HLTF: variants seen among roughly 807,000 people sequenced by gnomAD.
HLTF encodes helicase like transcription factor, also known as DNA-dependent ATPase/E3 ubiquitin-protein ligase HLTF.
In HLTF, 127 loss-of-function variants were observed where a neutral mutation model predicts 129.4. The ratio of observed to expected loss-of-function variants is 0.98; its 90% CI spans 0.85 to 1.14. HLTF has a LOEUF of 1.14. Ranked by LOEUF, HLTF falls within the 50% of genes most tolerant of loss-of-function variation. The pLI, the probability that HLTF is intolerant of heterozygous loss-of-function variation, is 0.00. For synonymous variants in HLTF, 332 were observed against 388.8 expected (o/e 0.85, Z 1.72); for missense variants, 1,139 against 1,187.1 (o/e 0.96, Z 0.60).
At chr3:149,038,668 G>C (rs1715853727) in intron 23 of HLTF, among the ~76,000 whole-genome samples, 2 of 152,042 alleles carry the variant, frequency 1.3e-5, no homozygotes, top group African/African-American at 2.4e-5. Flanking sequence ...CACTACACCA[G>C]AGTAACTTTT....
intron 12 of HLTF, 108 bp from the exon 13 acceptor site, chr3:149,059,915 T>G: frequency 4.4e-6 from 3 of 683,356 alleles, no homozygotes; most frequent in Non-Finnish European, 7.5e-6. Flanking sequence ...CCCTCTATTG[T>G]AAGAGCTTAT....
chr3:149,040,173 G>T lies in HLTF; in HGVS notation c.2377-17C>A, dbSNP rs186474099. ...AGCATGTGGCTATATAAGAAAGAAC[G>T]AAGTATGAGCAACACTTAACAGAAG... On this transcript the variant is annotated splice_polypyrimidine_tract_variant and intron_variant, in intron 20 of 24. Coordinates refer to ENST00000310053, the MANE Select transcript of HLTF (RefSeq NM_003071.4). 9.4e-6 allele frequency: 15 copies of T among 1,597,562 alleles called. No homozygotes were observed. In the African/African-American group the frequency reaches 1.1e-4, roughly 11 times the overall value.
intron 13 of HLTF, among the ~76,000 whole-genome samples, chr3:149,055,873 A>T (rs568146604): frequency 6.6e-6 from 1 of 152,342 alleles, no homozygotes; most frequent in Admixed American, 6.5e-5. Flanking sequence ...ATAGATTACA[A>T]AAGAAGTTTC....
At chr3:149,082,458 C>CA (rs1194470557) in intron 2 of HLTF, among the ~76,000 whole-genome samples, 10 of 148,908 alleles carry the variant, frequency 6.7e-5, no homozygotes, top group East Asian at 2.0e-4. Flanking sequence ...GACTCCGTCT[C>CA]AAAAAAAACA....
chr3:149,076,252 T>C (rs1358109626), intron 2 of HLTF, among the ~76,000 whole-genome samples: 2 of 152,158 alleles, frequency 1.3e-5, no homozygotes, highest in African/African-American at 4.8e-5. Flanking sequence ...CTATATTCAT[T>C]AGGAAGTTAA....
Position 149,063,412 on chromosome 3 carries a change from T to C in HLTF, c.1160+19A>G. On this transcript the variant is annotated intron_variant, in intron 10 of 24. Transcript: ENST00000310053. ...GAGTCTAAATAAACATATGACATAA[T>C]CAAACCATAATAGTTTACCTTTTGG... The C allele has an allele frequency of 6.9e-7, 1 of 1,451,784 alleles. No homozygotes were observed. The highest frequency in any genetic ancestry group is 9.7e-7 in the Non-Finnish European group (1 of 1,032,454). 89.9% of individuals were successfully genotyped at this position (1,451,784 alleles called of 1,614,324 possible).
chr3:149,050,237 A>G lies in HLTF; in HGVS notation c.1612T>C (p.Tyr538His). 6.4e-7 allele frequency: 1 copy of G among 1,573,044 alleles called. No homozygotes were observed. The highest frequency in any genetic ancestry group is 8.7e-7 in the Non-Finnish European group (1 of 1,148,726). ...LTTYNILTHD[Y>H]GTKGDSPLHS... ...TAAGTATCAACAATACTTACTCCAT[A>G]GTCATGAGTTAAAATATTATACGTA... The change falls in exon 15 of 25, where the codon TAT becomes CAT. Residue 538 changes from tyrosine (Y) to histidine (H), a missense_variant. Coordinates refer to ENST00000310053, the MANE Select transcript of HLTF (RefSeq NM_003071.4).
intron 8 of HLTF, among the ~76,000 whole-genome samples, chr3:149,066,613 T>C (rs1453040156): frequency 6.6e-6 from 1 of 152,022 alleles, no homozygotes; most frequent in Non-Finnish European, 1.5e-5. Flanking sequence ...CCAAATATTC[T>C]AAAACCTTTC....
rs546907075 is a variant in HLTF at position 149,076,402 on chromosome 3, T to C, written c.229-355A>G. Among the ~76,000 whole-genome samples, 6 of 152,310 alleles carry C rather than the reference T, an allele frequency of 3.9e-5. No homozygotes were observed. The East Asian group carries it at 1.2e-3, about 29-fold the overall frequency. On this transcript the variant is annotated intron_variant, in intron 2 of 24. Coordinates refer to ENST00000310053, the MANE Select transcript of HLTF (RefSeq NM_003071.4). ...TGTGCCAAGCATTGGTCTAAGTACA[T>C]TGCACAGACTGACTTTTTAAATCCT...
chr3:149,069,230 G>T (rs892098029), intron 7 of HLTF, among the ~76,000 whole-genome samples: 1 of 152,126 alleles, frequency 6.6e-6, no homozygotes, highest in South Asian at 2.1e-4. Context: ...CCAGCACTTT[G>T]GGAGGCCGAA....
intron 14 of HLTF, among the ~76,000 whole-genome samples, chr3:149,051,658 C>G (rs1277809325): frequency 6.6e-6 from 1 of 152,112 alleles, no homozygotes; most frequent in Non-Finnish European, 1.5e-5. Context: ...GTCAGGAGTT[C>G]GAGACCAGCC....
intron 15 of HLTF, 126 bp from the exon 16 acceptor site, chr3:149,049,127 CACT>C: frequency 5.4e-6 from 3 of 557,054 alleles, no homozygotes; most frequent in South Asian, 3.3e-5. Flanking sequence ...CTGCTTTAAG[CACT>C]ACATTAATTA....
chr3:149,045,128 G>A (rs1044401729), intron 18 of HLTF, among the ~76,000 whole-genome samples: 8 of 151,948 alleles, frequency 5.3e-5, no homozygotes, highest in South Asian at 2.1e-4. Flanking sequence ...ATTTTCTCTC[G>A]TTCATACTAT....
intron 8 of HLTF, among the ~76,000 whole-genome samples, chr3:149,067,935 T>C (rs761723970): frequency 6.6e-6 from 1 of 152,076 alleles, no homozygotes; most frequent in Admixed American, 6.5e-5. Context: ...CTTGAGCTCA[T>C]GAGTTCGAGA....
intron 14 of HLTF, among the ~76,000 whole-genome samples, chr3:149,053,892 G>A (rs550356098): frequency 6.6e-6 from 1 of 152,066 alleles, no homozygotes; most frequent in Non-Finnish European, 1.5e-5. Flanking sequence ...AAGTACCCAT[G>A]TACTATCCTT....
chr3:149,063,607 C>A, intron 9 of HLTF, 83 bp from the exon 10 acceptor site: 1 of 743,396 alleles, frequency 1.3e-6, no homozygotes, highest in Non-Finnish European at 2.3e-6. Context: ...CCTTGGTTTT[C>A]TAATTACTGA....
chr3:149,055,056 A>C (rs1287477187), intron 14 of HLTF, among the ~76,000 whole-genome samples: 1 of 152,228 alleles, frequency 6.6e-6, no homozygotes, highest in African/African-American at 2.4e-5. Flanking sequence ...CAAAGGCAGA[A>C]ATACAAACCA....
At position 149,086,508 on chromosome 3, in the gene HLTF, G is replaced by C; in HGVS notation, c.-172C>G. Reference sequence around the variant, plus strand: ...GTCGCCGCGAGTCCAGTCAGACGTCGACGCCGTCTCCTTCTGCAACAATCT... The same window carrying C: ...GTCGCCGCGAGTCCAGTCAGACGTCCACGCCGTCTCCTTCTGCAACAATCT... On this transcript the variant is annotated 5_prime_UTR_variant, in exon 1 of 25. Coordinates refer to ENST00000310053, the MANE Select transcript of HLTF (RefSeq NM_003071.4). The C allele has an allele frequency of 1.5e-6, 1 of 661,460 alleles. No homozygotes were observed. Among genetic ancestry groups the C allele is most frequent in the Non-Finnish European group, 2.6e-6 (1 of 382,458 alleles). The allele number at this position is 661,460 out of a possible 1,614,324, so 41.0% of individuals were successfully genotyped here.
rs561909390 is a variant in HLTF, at chr3:149,034,351, G to A, written c.2877+567C>T. On this transcript the variant is annotated intron_variant, in intron 24 of 24. Coordinates refer to ENST00000310053, the MANE Select transcript of HLTF (RefSeq NM_003071.4). ...AAACTTAATGGGTTAAATATATTACGATATATCTATATGGTTTTGTAGAGT... is the reference window on the plus strand; with the variant it reads ...AAACTTAATGGGTTAAATATATTACAATATATCTATATGGTTTTGTAGAGT... 1.2e-4 allele frequency among the ~76,000 whole-genome samples: 18 copies of A among 152,126 alleles called. No homozygotes were observed. The South Asian group carries it at 1.9e-3, about 16-fold the overall frequency.
Sources: gnomAD v4.1 joint callset for allele counts (sites outside exome capture counted in the v4.1 genomes callset) on GRCh38, gnomAD v4.1.1 for gene constraint, MANE v1.5 for transcripts, NCBI Gene and HGNC (gene_info 2026-07-23, HGNC 2026-07-21) for gene names.